Variants in STIM2 observed in about 807,000 individuals in gnomAD.
The protein encoded by STIM2 is stromal interaction molecule 2.
In STIM2, 31 loss-of-function variants were observed where a neutral mutation model predicts 85.8. That is an observed-to-expected ratio of 0.36 (90% CI 0.27 to 0.49). STIM2 has a LOEUF of 0.49. Ranked by LOEUF, STIM2 falls within the 20% of genes least tolerant of loss-of-function variation. STIM2 has a pLI of 0.98. For missense variants in STIM2, 841 were observed against 927.6 expected, an observed-to-expected ratio of 0.91 and a Z score of 1.21; for synonymous variants, 356 against 331.1, an observed-to-expected ratio of 1.08 and a Z score of -0.82.
chr4:26,952,016 A>G (rs1726071686), intron 2 of STIM2, among the ~76,000 whole-genome samples: 1 of 152,012 alleles, frequency 6.6e-6, no homozygotes, highest in Admixed American at 6.6e-5. Flanking sequence ...AAAAGCAGAA[A>G]CCCCTGATAA....
At chr4:26,958,469 A>G (rs1447038236) in intron 3 of STIM2, among the ~76,000 whole-genome samples, 1 of 152,176 alleles carries the variant, frequency 6.6e-6, no homozygotes, top group Admixed American at 6.6e-5. Flanking sequence ...ACAGATTACC[A>G]ATTAAGAGTG....
At chr4:26,882,454 T>TTTC (rs1553844658) in intron 1 of STIM2, among the ~76,000 whole-genome samples, 17,768 of 149,196 alleles carry the variant, frequency 0.12, 1,308 homozygotes, top group African/African-American at 0.21. Context: ...TCTTTCTTTC[T>TTTC]TTTTTTTTGT....
chr4:26,987,931 A>G (rs969276830), intron 3 of STIM2, among the ~76,000 whole-genome samples: 2 of 152,250 alleles, frequency 1.3e-5, no homozygotes, highest in African/African-American at 4.8e-5. Flanking sequence ...TTAGTAGTGG[A>G]CTTACAGTCA....
intron 1 of STIM2, among the ~76,000 whole-genome samples, chr4:26,868,352 C>G (rs1437969835): frequency 6.6e-6 from 1 of 152,130 alleles, no homozygotes; most frequent in East Asian, 1.9e-4. Context: ...TTTCTCTAGT[C>G]ATTTTCATTT....
At position 26,884,296 on chromosome 4, in the gene STIM2, T is replaced by C. The variant is rs548728986; in HGVS notation, c.151+22927T>C. Among the ~76,000 whole-genome samples, 4 of 152,314 alleles carry C rather than the reference T, an allele frequency of 2.6e-5. No homozygotes were observed. The East Asian group carries it at 7.7e-4, about 29-fold the overall frequency. ...GCCATTTTAGTCAGGGTGAACAACATACCCACTTAATAGGGTTGTTGTGAG... is the reference window on the plus strand; with the variant it reads ...GCCATTTTAGTCAGGGTGAACAACACACCCACTTAATAGGGTTGTTGTGAG... On this transcript the variant is annotated intron_variant, in intron 1 of 11. Coordinates refer to ENST00000467087, the MANE Select transcript of STIM2 (RefSeq NM_020860.4).
chr4:26,863,255 A>G (rs1722285562), intron 1 of STIM2, among the ~76,000 whole-genome samples: 1 of 152,206 alleles, frequency 6.6e-6, no homozygotes, highest in Non-Finnish European at 1.5e-5. Context: ...GGGCTTTAAA[A>G]TAAGTTTGCT....
chr4:26,915,665 A>T (rs1012668313), intron 1 of STIM2, among the ~76,000 whole-genome samples: 6 of 152,184 alleles, frequency 3.9e-5, no homozygotes, highest in African/African-American at 1.4e-4. Context: ...TTGATAGCTG[A>T]CTTGGGTTAG....
chr4:26,966,638 A>C (rs1726731032), intron 3 of STIM2, among the ~76,000 whole-genome samples: 1 of 152,184 alleles, frequency 6.6e-6, no homozygotes, highest in Admixed American at 6.5e-5. Context: ...GGTATTAGCC[A>C]GCCTTTTGAA....
In STIM2 at chr4:26,955,588, T is replaced by C. The variant is rs918174032; in HGVS notation, c.283-2024T>C. Among the ~76,000 whole-genome samples the C allele has an allele frequency of 6.3e-4, 93 of 148,534 alleles. 13 individuals carry two copies. Among genetic ancestry groups the C allele is most frequent in the African/African-American group, 2.3e-3 (90 of 39,064 alleles). ...AAGAAGAGTTGGATGACAGGAGGAC[T>C]TGTAGCATTCAGGCAGGCCCCCTTA... is the stretch of plus-strand genomic sequence containing the variant. On this transcript the variant is annotated intron_variant, in intron 2 of 11. Coordinates refer to ENST00000467087, the MANE Select transcript of STIM2 (RefSeq NM_020860.4).
intron 10 of STIM2, among the ~76,000 whole-genome samples, chr4:27,010,021 T>C (rs1456150495): frequency 6.6e-6 from 1 of 152,200 alleles, no homozygotes; most frequent in African/African-American, 2.4e-5. Context: ...TGGATATCCA[T>C]ATGTCCGTTA....
intron 1 of STIM2, among the ~76,000 whole-genome samples, chr4:26,895,111 G>A (rs1026969325): frequency 6.6e-6 from 1 of 152,210 alleles, no homozygotes; most frequent in African/African-American, 2.4e-5. Context: ...ATCCAGGAGG[G>A]TGAGTTAGGA....
intron 1 of STIM2, among the ~76,000 whole-genome samples, chr4:26,918,361 A>G (rs73251753): frequency 0.019 from 2,899 of 151,922 alleles, 49 homozygotes; most frequent in Non-Finnish European, 0.03. Flanking sequence ...AGATCTTAGT[A>G]AGTATCTCTA....
chr4:26,900,055 T>C (rs1723860345), intron 1 of STIM2, among the ~76,000 whole-genome samples: 1 of 152,090 alleles, frequency 6.6e-6, no homozygotes, highest in Non-Finnish European at 1.5e-5. Context: ...AAACGGAAAG[T>C]TTTGAAATTA....
chr4:26,993,471 A>T (rs1053076787), intron 3 of STIM2, among the ~76,000 whole-genome samples: 9 of 152,206 alleles, frequency 5.9e-5, no homozygotes, highest in African/African-American at 2.2e-4. Context: ...TTAATAAAAA[A>T]GGCAGATTGA....
In STIM2 at chr4:26,864,256, G is replaced by T. The variant is rs1030694984; in HGVS notation, c.151+2887G>T. ...AAGGGTTTTAAATTACATATACAGC[G>T]CTTATATATTTAGGGCACTTACTTT... On this transcript the variant is annotated intron_variant, in intron 1 of 11. Transcript: ENST00000467087. 2.0e-5 allele frequency among the ~76,000 whole-genome samples: 3 copies of T among 152,110 alleles called. No homozygotes were observed. In the South Asian group the frequency reaches 6.2e-4, roughly 32 times the overall value.
chr4:26,994,439 A>G (rs1489819519), intron 3 of STIM2, among the ~76,000 whole-genome samples: 1 of 151,874 alleles, frequency 6.6e-6, no homozygotes, highest in East Asian at 1.9e-4. Flanking sequence ...CCTTGTTGTC[A>G]TCTTATCTAC....
intron 1 of STIM2, among the ~76,000 whole-genome samples, chr4:26,900,317 A>G (rs1723871485): frequency 6.6e-6 from 1 of 152,210 alleles, no homozygotes; most frequent in African/African-American, 2.4e-5. Flanking sequence ...TTTAGCAGGT[A>G]CATAGTTGAG....
intron 1 of STIM2, among the ~76,000 whole-genome samples, chr4:26,866,233 A>G (rs1038058726): frequency 3.3e-5 from 5 of 152,090 alleles, no homozygotes; most frequent in Admixed American, 6.5e-5. Context: ...CTTTATCTTC[A>G]TATAGTAGAT....
chr4:27,004,416 C>G (rs1338858185), intron 7 of STIM2, among the ~76,000 whole-genome samples: 1 of 152,054 alleles, frequency 6.6e-6, no homozygotes, highest in African/African-American at 2.4e-5. Flanking sequence ...GTACTATGCC[C>G]TTTGCACTCC....
Sources: gnomAD v4.1 joint callset for allele counts (sites outside exome capture counted in the v4.1 genomes callset) on GRCh38, gnomAD v4.1.1 for gene constraint, MANE v1.5 for transcripts, NCBI Gene and HGNC (gene_info 2026-07-23, HGNC 2026-07-21) for gene names.